The following ASTN2 variants were observed in gnomAD, a reference collection of about 807,000 sequenced individuals.
The protein encoded by ASTN2 is astrotactin-2.
ASTN2 carries 54 observed loss-of-function variants against 139.8 expected under a neutral mutation model. That is an observed-to-expected ratio of 0.39 (90% CI 0.31 to 0.48). ASTN2 has a LOEUF of 0.48. Among genes scored for constraint, ASTN2 ranks in the 20% least tolerant of loss-of-function variants. The probability of loss-of-function intolerance (pLI) is 0.95; values close to 1 mark genes in which losing one functional copy is unlikely to be tolerated. For synonymous variants in ASTN2, 756 were observed against 719.5 expected (o/e 1.05, Z -0.81); for missense variants, 1,565 against 1,725.1 (o/e 0.91, Z 1.64).
intron 12 of ASTN2, among the ~76,000 whole-genome samples, chr9:116,817,536 G>A (rs1831365916): frequency 6.6e-6 from 1 of 152,108 alleles, no homozygotes; most frequent in Admixed American, 6.5e-5. Flanking sequence ...ACTGAAACCA[G>A]GAGGCTTAAC....
At chr9:117,332,246 T>TATAGCATA (rs1355890842) in intron 1 of ASTN2, among the ~76,000 whole-genome samples, 5 of 152,208 alleles carry the variant, frequency 3.3e-5, no homozygotes, top group Admixed American at 2.6e-4. Context: ...TGCCACCCTT[T>TATAGCATA]ATAGCATAAC....
chr9:117,004,452 C>T (rs1178291818), intron 7 of ASTN2, among the ~76,000 whole-genome samples: 1 of 152,100 alleles, frequency 6.6e-6, no homozygotes, highest in Non-Finnish European at 1.5e-5. Flanking sequence ...AAAAAATATG[C>T]TGAAACAGGC....
At chr9:117,153,298 C>G (rs900964580) in intron 3 of ASTN2, among the ~76,000 whole-genome samples, 2 of 152,050 alleles carry the variant, frequency 1.3e-5, no homozygotes, top group African/African-American at 4.8e-5. Context: ...GTCACCTTAA[C>G]TCCTACAGCC....
chr9:116,855,727 C>G (rs1478319883), intron 11 of ASTN2, among the ~76,000 whole-genome samples: 1 of 152,154 alleles, frequency 6.6e-6, no homozygotes, highest in Non-Finnish European at 1.5e-5. Flanking sequence ...TTTCCTCTGC[C>G]TTTACCTGGC....
rs180688120 is a variant in ASTN2 at position 116,682,992 on chromosome 9, A to G, written c.2807-31199T>C. 5.9e-4 allele frequency among the ~76,000 whole-genome samples: 89 copies of G among 151,570 alleles called. 1 individual carries two copies. In the East Asian group the frequency reaches 0.011, roughly 19 times the overall value. ...GTATACATAGGTAACTAACCTGCAC[A>G]TTGTGCACATGTACCCTAAAACTTA... On this transcript the variant is annotated intron_variant, in intron 16 of 22. Transcript: ENST00000313400.
intron 19 of ASTN2, among the ~76,000 whole-genome samples, chr9:116,576,214 C>T: frequency 6.6e-6 from 1 of 152,066 alleles, no homozygotes; most frequent in East Asian, 1.9e-4. Flanking sequence ...TGATCAGTCC[C>T]CTAAGAAGCA....
At chr9:116,865,759 C>A (rs1393835085) in intron 10 of ASTN2, among the ~76,000 whole-genome samples, 1 of 152,174 alleles carries the variant, frequency 6.6e-6, no homozygotes, top group Admixed American at 6.5e-5. Context: ...TGTGTGGTAC[C>A]TGCAGGCACC....
chr9:116,448,120 G>T (rs555747873), intron 20 of ASTN2, among the ~76,000 whole-genome samples: 1 of 152,278 alleles, frequency 6.6e-6, no homozygotes, highest in East Asian at 1.9e-4. Context: ...TTCCCCAGCC[G>T]CAACATGATT....
chr9:116,980,084 G>A (rs1171395168), intron 7 of ASTN2, among the ~76,000 whole-genome samples: 4 of 152,136 alleles, frequency 2.6e-5, no homozygotes, highest in South Asian at 2.1e-4. Context: ...AGTAGGCAGA[G>A]GGAAAAGCCC....
At chr9:116,534,913 C>G (rs942801201) in intron 19 of ASTN2, among the ~76,000 whole-genome samples, 2 of 152,070 alleles carry the variant, frequency 1.3e-5, no homozygotes, top group African/African-American at 4.8e-5. Flanking sequence ...TCCTAGATAC[C>G]CTTGTTAACT....
chr9:117,161,388 T>G (rs1273256029), intron 3 of ASTN2, among the ~76,000 whole-genome samples: 1 of 151,596 alleles, frequency 6.6e-6, no homozygotes, highest in Non-Finnish European at 1.5e-5. Context: ...AGAAAAGGCG[T>G]TTTTTTTCTT....
intron 19 of ASTN2, chr9:116,547,682 G>C (rs1852158065): frequency 6.6e-6 from 1 of 152,172 alleles, no homozygotes; most frequent in African/African-American, 2.4e-5. Flanking sequence ...CGCAGTGCCT[G>C]GTAGGTGGAG....
At chr9:117,159,815 G>A (rs1462827136) in intron 3 of ASTN2, among the ~76,000 whole-genome samples, 1 of 152,040 alleles carries the variant, frequency 6.6e-6, no homozygotes, top group Non-Finnish European at 1.5e-5. Flanking sequence ...AGCTAGTTAT[G>A]GCAATTAGCT....
At chr9:117,279,145 C>G (rs140712661) in intron 2 of ASTN2, among the ~76,000 whole-genome samples, 49 of 152,298 alleles carry the variant, frequency 3.2e-4, no homozygotes, top group Non-Finnish European at 5.7e-4. Context: ...GGTCCAGGGT[C>G]AGGCTTGCCT....
At chr9:116,900,329 C>A (rs943619668) in intron 10 of ASTN2, among the ~76,000 whole-genome samples, 1 of 152,124 alleles carries the variant, frequency 6.6e-6, no homozygotes, top group Admixed American at 6.6e-5. Flanking sequence ...TGAAAGAAGA[C>A]ATCAAGATTC....
intron 19 of ASTN2, among the ~76,000 whole-genome samples, chr9:116,566,116 A>G (rs1308018324): frequency 1.3e-5 from 2 of 152,222 alleles, no homozygotes; most frequent in Non-Finnish European, 2.9e-5. Context: ...TATAAAAGAA[A>G]AAAACAATAA....
chr9:116,622,423 T>C (rs1856207119), intron 17 of ASTN2, among the ~76,000 whole-genome samples: 2 of 152,204 alleles, frequency 1.3e-5, no homozygotes, highest in African/African-American at 2.4e-5. Context: ...AAAGCTAATG[T>C]TCATGAAAAA....
chr9:116,626,991 T>C (rs970705659), intron 17 of ASTN2, among the ~76,000 whole-genome samples: 2 of 152,212 alleles, frequency 1.3e-5, no homozygotes, highest in Non-Finnish European at 1.5e-5. Flanking sequence ...CTGGTAGCCA[T>C]AGGAGATAGG....
At chr9:116,473,739 C>T (rs1319438584) in intron 20 of ASTN2, among the ~76,000 whole-genome samples, 3 of 152,138 alleles carry the variant, frequency 2.0e-5, no homozygotes, top group Non-Finnish European at 4.4e-5. Flanking sequence ...GCCGTCTCTA[C>T]TAAAAATACA....
Sources: allele counts gnomAD v4.1 joint callset (sites outside exome capture counted in the v4.1 genomes callset), GRCh38; gene constraint gnomAD v4.1.1; transcripts MANE v1.5; gene names NCBI Gene and HGNC (gene_info 2026-07-23, HGNC 2026-07-21).